CASD1: variants seen among roughly 807,000 people sequenced by gnomAD.
CASD1 encodes the protein CAS1 domain sialic acid O acetyltransferase 1, also known as N-acetylneuraminate (7)9-O-acetyltransferase.
CASD1 carries 41 observed loss-of-function variants against 100.0 expected under a neutral mutation model. That is an observed-to-expected ratio of 0.41 (90% CI 0.32 to 0.53). The LOEUF is 0.53. CASD1 is among the 20% of genes least tolerant of loss of function. CASD1 has a pLI of 0.25. For synonymous variants in CASD1, 321 were observed against 315.6 expected, an observed-to-expected ratio of 1.02 and a Z score of -0.18; for missense variants, 774 against 948.7, an observed-to-expected ratio of 0.82 and a Z score of 2.42.
At chr7:94,545,110 T>C (rs961449380) in intron 11 of CASD1, among the ~76,000 whole-genome samples, 5 of 152,176 alleles carry the variant, frequency 3.3e-5, no homozygotes. Flanking sequence ...TTTTTAACTT[T>C]GAGTTTTGAG....
At chr7:94,512,027 C>T (rs748589751) in intron 1 of CASD1, among the ~76,000 whole-genome samples, 6 of 152,178 alleles carry the variant, frequency 3.9e-5, no homozygotes, top group Non-Finnish European at 7.3e-5. Flanking sequence ...AGAATTTGAG[C>T]TGAAGACTGG....
At chr7:94,561,574 ATCTG>A (rs1796340429), downstream of CASD1, among the ~76,000 whole-genome samples, 1 of 152,136 alleles carries the variant, frequency 6.6e-6, no homozygotes, top group African/African-American at 2.4e-5. Context: ...TAAATGGCCC[ATCTG>A]TCTGTGTGAG....
At chr7:94,514,711 C>G (rs1793885764) in intron 1 of CASD1, among the ~76,000 whole-genome samples, 1 of 152,032 alleles carries the variant, frequency 6.6e-6, no homozygotes, top group South Asian at 2.1e-4. Context: ...GGAAGACAGC[C>G]ATTCATCCAG....
the CASD1 span, chr7:94,585,641 A>G: frequency 1.4e-6 from 1 of 704,264 alleles, no homozygotes; most frequent in Non-Finnish European, 2.6e-6. Flanking sequence ...AAATAATTAC[A>G]TTGCATTATT....
At chr7:94,616,792 G>A in the CASD1 span, 1 of 152,088 alleles carries the variant, frequency 6.6e-6, no homozygotes, top group South Asian at 2.1e-4. Context: ...TTTATTTTAT[G>A]AGTGTTTGTA....
the CASD1 span, among the ~76,000 whole-genome samples, chr7:94,602,246 T>G: frequency 6.6e-6 from 1 of 152,054 alleles, no homozygotes; most frequent in African/African-American, 2.4e-5. Context: ...CTATAATAAT[T>G]GAGCAAATTT....
At chr7:94,548,653 G>A (rs6967734) in intron 13 of CASD1, among the ~76,000 whole-genome samples, 80,068 of 151,404 alleles carry the variant, frequency 0.53, 21,951 homozygotes, top group South Asian at 0.73. Flanking sequence ...TAAAGACTCA[G>A]CATTATCTAA....
At chr7:94,619,159 A>G in the CASD1 span, 1 of 557,662 alleles carries the variant, frequency 1.8e-6, no homozygotes, top group Non-Finnish European at 3.2e-6. Context: ...TTTATCTACA[A>G]TATAATAAAA....
chr7:94,618,984 A>T, the CASD1 span: 5 of 1,444,404 alleles, frequency 3.5e-6, no homozygotes, highest in Non-Finnish European at 4.9e-6. Context: ...GGGCATGCAT[A>T]TCTTTAATGA....
chr7:94,575,191 T>C, the CASD1 span, among the ~76,000 whole-genome samples: 1 of 152,226 alleles, frequency 6.6e-6, no homozygotes, highest in Non-Finnish European at 1.5e-5. Context: ...TTTAGTGCTA[T>C]GAATTTCCCT....
intron 13 of CASD1, among the ~76,000 whole-genome samples, chr7:94,547,722 A>G (rs1294463530): frequency 1.3e-5 from 2 of 151,688 alleles, no homozygotes; most frequent in African/African-American, 4.8e-5. Context: ...TTTTAACAGG[A>G]TGGCAATCTT....
chr7:94,540,476 A>T (rs939141333), intron 10 of CASD1, among the ~76,000 whole-genome samples: 2 of 152,176 alleles, frequency 1.3e-5, no homozygotes, highest in African/African-American at 2.4e-5. Flanking sequence ...AAAATTATTT[A>T]TGATTTTATG....
chr7:94,513,676 A>G (rs1793832204), intron 1 of CASD1, among the ~76,000 whole-genome samples: 3 of 152,210 alleles, frequency 2.0e-5, no homozygotes, highest in African/African-American at 4.8e-5. Flanking sequence ...GCCTACCCAC[A>G]CAAACTGTTG....
At chr7:94,599,060 A>C in the CASD1 span, 1 of 893,638 alleles carries the variant, frequency 1.1e-6, no homozygotes, top group Non-Finnish European at 1.7e-6. Flanking sequence ...TTTATCTTTT[A>C]AAATAATAAG....
chr7:94,632,893 C>T, the CASD1 span, among the ~76,000 whole-genome samples: 10 of 152,194 alleles, frequency 6.6e-5, no homozygotes, highest in East Asian at 1.9e-3. Context: ...ACTCCAACAC[C>T]TACAGAGGCT....
chr7:94,519,811 G>C (rs965370834), intron 3 of CASD1, among the ~76,000 whole-genome samples: 3 of 152,140 alleles, frequency 2.0e-5, no homozygotes, highest in Non-Finnish European at 4.4e-5. Context: ...CCAGCCTTTA[G>C]TAAACTTTTA....
the CASD1 span, among the ~76,000 whole-genome samples, chr7:94,595,105 G>T: frequency 3.9e-5 from 6 of 152,062 alleles, no homozygotes; most frequent in Non-Finnish European, 5.9e-5. Context: ...TCTCTTATCA[G>T]TGTCTCAAAT....
At chr7:94,584,623 A>G in the CASD1 span, among the ~76,000 whole-genome samples, 1 of 152,162 alleles carries the variant, frequency 6.6e-6, no homozygotes, top group African/African-American at 2.4e-5. Context: ...AATTTGCCCA[A>G]AGTAGATTAA....
chr7:94,566,655 CA>C, the CASD1 span, among the ~76,000 whole-genome samples: 6 of 152,242 alleles, frequency 3.9e-5, 1 homozygote, highest in Middle Eastern at 6.8e-3. Flanking sequence ...CAGGAAGCAA[CA>C]CTGCTTAAAG....
Sources: allele counts gnomAD v4.1 joint callset (sites outside exome capture counted in the v4.1 genomes callset), GRCh38; gene constraint gnomAD v4.1.1; transcripts MANE v1.5; gene names NCBI Gene and HGNC (gene_info 2026-07-23, HGNC 2026-07-21).